The following GLB1L2 variants were observed in gnomAD, a reference collection of about 807,000 sequenced individuals.
GLB1L2 encodes beta-galactosidase-1-like protein 2.
In GLB1L2, 68 loss-of-function variants were observed where a neutral mutation model predicts 84.1. The observed-to-expected ratio is 0.81, with a 90% CI of 0.67 to 0.99. GLB1L2 has a LOEUF of 0.99. Among genes scored for constraint, GLB1L2 ranks in the 50% least tolerant of loss-of-function variants. GLB1L2 has a pLI of 0.00. For missense variants in GLB1L2, 762 were observed against 805.6 expected (o/e 0.95, Z 0.66); for synonymous variants, 290 against 318.0 (o/e 0.91, Z 0.94).
At chr11:134,343,371 C>T (rs1005798720) in intron 2 of GLB1L2, among the ~76,000 whole-genome samples, 1 of 152,148 alleles carries the variant, frequency 6.6e-6, no homozygotes, top group African/African-American at 2.4e-5. Context: ...GCTGTGGTTG[C>T]CATCCCAGCC....
At chr11:134,347,164 G>A (rs549001765) in intron 4 of GLB1L2, 161 bp from the exon 5 acceptor site, 9 of 663,128 alleles carry the variant, frequency 1.4e-5, no homozygotes, top group African/African-American at 7.1e-5. Context: ...CCCCAGAATC[G>A]GTTTGCATTG....
At chr11:134,346,589 C>T (rs1009388470) in intron 4 of GLB1L2, 9 of 152,344 alleles carry the variant, frequency 5.9e-5, no homozygotes, top group African/African-American at 2.2e-4. Flanking sequence ...CCTTGTTTGA[C>T]CCACAGAAAT....
intron 17 of GLB1L2, 69 bp downstream of exon 17, chr11:134,374,325 G>A: frequency 7.8e-7 from 1 of 1,287,544 alleles, no homozygotes; most frequent in Admixed American, 1.7e-5. Flanking sequence ...CTGAGCCAAA[G>A]CCACGAGCTT....
intron 1 of GLB1L2, among the ~76,000 whole-genome samples, chr11:134,341,330 G>A (rs1044097048): frequency 4.6e-5 from 7 of 152,126 alleles, no homozygotes; most frequent in Non-Finnish European, 8.8e-5. Context: ...CATTAGACTC[G>A]TTTTATAGAG....
chr11:134,332,179 AC>A, intron 1 of GLB1L2, 32 bp downstream of exon 1: 1 of 1,433,470 alleles, frequency 7.0e-7, no homozygotes, highest in Non-Finnish European at 9.5e-7. Context: ...CACCTGCCGG[AC>A]CCCACATTCC....
In GLB1L2 at chr11:134,376,112, C is replaced by A. The variant is rs988222556; in HGVS notation, c.*1054C>A. The stretch of plus-strand genomic sequence containing the variant: ...GCTCACATGTGAGTCCTGGCAGAAG[C>A]CATGGCCCATGTCTGCACATCCAGG... On this transcript the variant is annotated 3_prime_UTR_variant, in exon 19 of 19. Transcript: ENST00000535456. 1 of 151,132 alleles carries A rather than the reference C, an allele frequency of 6.6e-6. No homozygotes were observed. Among genetic ancestry groups the A allele is most frequent in the Non-Finnish European group, 1.5e-5 (1 of 67,764 alleles). 9.4% of individuals were successfully genotyped at this position (151,132 alleles called of 1,614,324 possible).
chr11:134,359,198 A>G, intron 7 of GLB1L2, 57 bp downstream of exon 7: 1 of 1,264,932 alleles, frequency 7.9e-7, no homozygotes. Flanking sequence ...CTGGCTGTGC[A>G]CGCTCCCGCT....
At chr11:134,368,027 C>G (rs539682919) in intron 9 of GLB1L2, among the ~76,000 whole-genome samples, 3 of 152,098 alleles carry the variant, frequency 2.0e-5, no homozygotes, top group Non-Finnish European at 4.4e-5. Flanking sequence ...CCCTCAGCCC[C>G]CGGAAAGACG....
At position 134,370,545 on chromosome 11, in the gene GLB1L2, G is replaced by A; in HGVS notation, c.1215+146G>A. On this transcript the variant is annotated intron_variant, in intron 12 of 18. Coordinates refer to ENST00000535456, the MANE Select transcript of GLB1L2 (RefSeq NM_001370461.1). This position sits in a 1 kb window ranked among gnomAD's most constrained non-coding sequence, Gnocchi z 4.7. ...GAGCCCCTCCAGACAGGGAGTGTGG[G>A]GGGAGGCAGGCCAGTGCCTGGTGGC... 2 of 657,108 alleles carry A rather than the reference G, an allele frequency of 3.0e-6. No homozygotes were observed. Among genetic ancestry groups the A allele is most frequent in the Non-Finnish European group, 5.4e-6 (2 of 372,378 alleles). 40.7% of individuals were successfully genotyped at this position (657,108 alleles called of 1,614,324 possible). A position where few individuals can be genotyped will look rare whatever the true frequency, so the allele number is the denominator to read the frequency against.
chr11:134,332,056 C>T lies in GLB1L2; in HGVS notation c.-6C>T, dbSNP rs1218991597. ...AACCCGGGTCCCCGCGCTTAGAGAACACGCGATGACCACGTGGAGCCTCCG... is the reference window on the plus strand; with the variant it reads ...AACCCGGGTCCCCGCGCTTAGAGAATACGCGATGACCACGTGGAGCCTCCG... On this transcript the variant is annotated 5_prime_UTR_variant, in exon 1 of 19. Coordinates refer to ENST00000535456, the MANE Select transcript of GLB1L2 (RefSeq NM_001370461.1). The T allele has an allele frequency of 1.3e-6, 2 of 1,563,640 alleles. No homozygotes were observed. Among genetic ancestry groups the T allele is most frequent in the South Asian group, 1.2e-5 (1 of 85,584 alleles).
intron 4 of GLB1L2, 28 bp from the exon 5 acceptor site, chr11:134,347,297 C>T: frequency 1.3e-6 from 2 of 1,553,870 alleles, no homozygotes; most frequent in South Asian, 1.1e-5. Context: ...ACACTAACAT[C>T]CTTCCTTTCC....
rs1473308184 is a variant in GLB1L2, at chr11:134,338,641, G to A, written c.87-4113G>A. 2.0e-5 allele frequency among the ~76,000 whole-genome samples: 3 copies of A among 152,172 alleles called. 1 individual carries two copies. Among genetic ancestry groups the A allele is most frequent in the African/African-American group, 7.2e-5 (3 of 41,428 alleles). On this transcript the variant is annotated intron_variant, in intron 1 of 18. Transcript: ENST00000535456. This position sits in a 1 kb window ranked among gnomAD's most constrained non-coding sequence, Gnocchi z 6.2. ...CCTCCCCCTGCTTCCTCACCACGGG[G>A]CACAGCAGAACTTGGTACCTATGTC... is the stretch of plus-strand genomic sequence containing the variant.
rs756174996 is a variant in GLB1L2 at position 134,343,412 on chromosome 11, C to T, written c.284+461C>T. 1.1e-4 allele frequency among the ~76,000 whole-genome samples: 16 copies of T among 152,252 alleles called. 1 individual carries two copies. Among genetic ancestry groups the T allele is most frequent in the East Asian group, 1.9e-4 (1 of 5,186 alleles). On this transcript the variant is annotated intron_variant, in intron 2 of 18. Coordinates refer to ENST00000535456, the MANE Select transcript of GLB1L2 (RefSeq NM_001370461.1). ...TGTGATGATTGGCACATGGTAGGCA[C>T]GCACTAAAATGTCGAACTTGCAAAT...
In GLB1L2 at chr11:134,344,432, C is replaced by T. The variant is rs1286638438; in HGVS notation, c.330C>T (p.Asp110=). ...ATGAGCCAGAAAGAGGCAAATTTGACTTCTCTGGGAACCTGGACCTGGAGT... is the reference window on the plus strand; with the variant it reads ...ATGAGCCAGAAAGAGGCAAATTTGATTTCTCTGGGAACCTGGACCTGGAGT... ...NLHEPERGKF[D]FSGNLDLEAF... is the part of the protein sequence containing the mutation. Residue 110 remains aspartate, a synonymous_variant, in exon 3 of 19, where the codon GAC becomes GAT. Coordinates refer to ENST00000535456, the MANE Select transcript of GLB1L2 (RefSeq NM_001370461.1). 4 of 1,613,042 alleles carry T rather than the reference C, an allele frequency of 2.5e-6. No individual in the cohort carries two copies. The South Asian group carries it at 3.3e-5, about 13-fold the overall frequency.
In GLB1L2 at chr11:134,343,563, T is replaced by C. The variant is rs139713700; in HGVS notation, c.284+612T>C. Among the ~76,000 whole-genome samples, 20 of 152,318 alleles carry C rather than the reference T, an allele frequency of 1.3e-4. No individual in the cohort carries two copies. In the East Asian group the frequency reaches 3.7e-3, roughly 28 times the overall value. On this transcript the variant is annotated intron_variant, in intron 2 of 18. Coordinates refer to ENST00000535456, the MANE Select transcript of GLB1L2 (RefSeq NM_001370461.1). Reference sequence around the variant, plus strand: ...GGGGTGATCAGGCTGGATTATTCCATGTTTAGGCAAAAATATGTGATTACA... The same window carrying C: ...GGGGTGATCAGGCTGGATTATTCCACGTTTAGGCAAAAATATGTGATTACA...
rs1426559843 is a variant in GLB1L2, at chr11:134,375,841, A to G, written c.*783A>G. 2 of 62,980 alleles carry G rather than the reference A, an allele frequency of 3.2e-5. No individual in the cohort carries two copies. Among genetic ancestry groups the G allele is most frequent in the Non-Finnish European group, 6.3e-5 (2 of 31,528 alleles). The allele number at this position is 62,980 out of a possible 1,614,324, so 3.9% of individuals were successfully genotyped here. On this transcript the variant is annotated 3_prime_UTR_variant, in exon 19 of 19. Coordinates refer to ENST00000535456, the MANE Select transcript of GLB1L2 (RefSeq NM_001370461.1). ...TGAGTCCTGGCAGAAGCCATGGCCC[A>G]TGTCTGCACATCCAGGGAGGAGGAC...
intron 7 of GLB1L2, chr11:134,359,432 C>A (rs148454848): frequency 2.6e-4 from 71 of 274,248 alleles, no homozygotes; most frequent in African/African-American, 1.5e-3. Flanking sequence ...GTTTTCAGAA[C>A]ATCGCAGCTC....
At chr11:134,363,959 C>A (rs1943832426) in intron 7 of GLB1L2, among the ~76,000 whole-genome samples, 1 of 152,222 alleles carries the variant, frequency 6.6e-6, no homozygotes, top group African/African-American at 2.4e-5. Context: ...TTCACTGCAA[C>A]TTCTGCCTCT....
Position 134,375,160 on chromosome 11 carries a change from C to T in GLB1L2, c.*102C>T. 3.5e-6 allele frequency: 3 copies of T among 849,008 alleles called. No homozygotes were observed. In the South Asian group the frequency reaches 4.9e-5, roughly 14 times the overall value. 52.6% of individuals were successfully genotyped at this position (849,008 alleles called of 1,614,324 possible). On this transcript the variant is annotated 3_prime_UTR_variant, in exon 19 of 19. Coordinates refer to ENST00000535456, the MANE Select transcript of GLB1L2 (RefSeq NM_001370461.1). ...CCACCCCTCACTGCAAAAGCATCTC[C>T]TTAAGTAGCAACCTCAGGGACTGGG... is the stretch of plus-strand genomic sequence containing the variant.
Sources: gnomAD v4.1 joint callset for allele counts (sites outside exome capture counted in the v4.1 genomes callset) on GRCh38, gnomAD v4.1.1 for gene constraint, Gnocchi (gnomAD v3.1) non-coding constraint, MANE v1.5 for transcripts, NCBI Gene and HGNC (gene_info 2026-07-23, HGNC 2026-07-21) for gene names.